CDC23: variants seen among roughly 807,000 people sequenced by gnomAD.
CDC23 encodes the protein cell division cycle protein 23 homolog.
A neutral mutation model predicts 81.7 loss-of-function variants in CDC23; 26 were observed. The ratio of observed to expected loss-of-function variants is 0.32; its 90% CI spans 0.23 to 0.44. CDC23 has a LOEUF of 0.44. Ranked by LOEUF, CDC23 falls within the 20% of genes least tolerant of loss-of-function variation. The probability of loss-of-function intolerance (pLI) is 1.00; values close to 1 mark genes in which losing one functional copy is unlikely to be tolerated. For synonymous variants in CDC23, 267 were observed against 270.8 expected (o/e 0.99, Z 0.14); for missense variants, 519 against 728.0 (o/e 0.71, Z 3.30).
chr5:138,192,640 G>A lies in CDC23; in HGVS notation c.1030C>T (p.Arg344Cys), dbSNP rs1379421183. ...AAGGCTGCTTTCTCATGCTGAGAAC[G>A]TAAACTGTAATAATTGCCTGATTAA... ...CCVIGNYYSLRSQHEKAALYF... is the reference protein window; with the variant it reads ...CCVIGNYYSLCSQHEKAALYF... The change falls in exon 10 of 16, where the codon CGT (arginine) becomes TGT (cysteine). Residue 344 changes from arginine to cysteine, a missense_variant. By Grantham distance (180) the Arg-to-Cys change is radical. Around this residue, in one of 4 missense-constraint regions of CDC23, gnomAD observed 175 missense variants for 337.8 expected, o/e 0.52. Coordinates refer to ENST00000394886, the MANE Select transcript of CDC23 (RefSeq NM_004661.4). The A allele has an allele frequency of 2.5e-6, 4 of 1,609,100 alleles. No individual in the cohort carries two copies. The highest frequency in any genetic ancestry group is 1.1e-5 in the South Asian group (1 of 89,662).
chr5:138,193,959 CAAA>C (rs79351836), intron 9 of CDC23, among the ~76,000 whole-genome samples: 3 of 120,508 alleles, frequency 2.5e-5, no homozygotes. Flanking sequence ...ACTCCGTCTC[CAAA>C]AAAAAAAAAA....
chr5:138,212,619 A>C (rs1755126340), intron 2 of CDC23, among the ~76,000 whole-genome samples: 1 of 152,082 alleles, frequency 6.6e-6, no homozygotes, highest in Non-Finnish European at 1.5e-5. Context: ...CCAGACCAAA[A>C]CTTTTGATTC....
intron 12 of CDC23, 78 bp from the exon 13 acceptor site, chr5:138,191,613 C>G: frequency 1.5e-6 from 2 of 1,348,542 alleles, no homozygotes; most frequent in Non-Finnish European, 2.1e-6. Flanking sequence ...TAAGACCCTG[C>G]AAGCCTCCCA....
chr5:138,202,344 C>T (rs1027756431), intron 3 of CDC23, among the ~76,000 whole-genome samples, 189 bp from the exon 4 acceptor site: 2 of 152,078 alleles, frequency 1.3e-5, no homozygotes, highest in Non-Finnish European at 2.9e-5. Flanking sequence ...AGTGCAGTAG[C>T]GTGGTCTCAG....
At position 138,188,769 on chromosome 5, in the gene CDC23, G is replaced by A. The variant is rs1008119975; in HGVS notation, c.*209C>T. On this transcript the variant is annotated 3_prime_UTR_variant, in exon 16 of 16. Transcript: ENST00000394886. ...CTCTTTGGACATAAGTGAGACAGAAGTACTTCTAACTGGCAAGATAATGTC... is the reference window on the plus strand; with the variant it reads ...CTCTTTGGACATAAGTGAGACAGAAATACTTCTAACTGGCAAGATAATGTC... The A allele has an allele frequency of 4.6e-6, 2 of 438,468 alleles. No individual in the cohort carries two copies. Among genetic ancestry groups the A allele is most frequent in the Admixed American group, 4.1e-5 (1 of 24,642 alleles). 27.2% of individuals were successfully genotyped at this position (438,468 alleles called of 1,614,324 possible).
At position 138,201,104 on chromosome 5, in the gene CDC23, T is replaced by C. The variant is rs762259779; in HGVS notation, c.654+3A>G. 22 of 1,613,290 alleles carry C rather than the reference T, an allele frequency of 1.4e-5. No individual in the cohort carries two copies. In the Admixed American group the frequency reaches 3.7e-4, roughly 27 times the overall value. Reference sequence around the variant, plus strand: ...GTTTTTCACATAGCTCATCACAATTTACCATCTCTTTGTCTGTGATCAGGT... The same window carrying C: ...GTTTTTCACATAGCTCATCACAATTCACCATCTCTTTGTCTGTGATCAGGT... On this transcript the variant is annotated splice_donor_region_variant and intron_variant, in intron 6 of 15. Transcript: ENST00000394886.
In CDC23 at chr5:138,192,370, G is replaced by T; in HGVS notation, c.1185C>A (p.Asn395Lys). The change falls in exon 11 of 16, where the codon AAC (asparagine) becomes AAA (lysine). Residue 395 changes from asparagine to lysine, a missense_variant. Coordinates refer to ENST00000394886, the MANE Select transcript of CDC23 (RefSeq NM_004661.4). ...CATACCAAGCTCTGTAGTCCCGTTTGTTGACCTCAATGGCATGTCTAAGAA... is the reference window on the plus strand; with the variant it reads ...CATACCAAGCTCTGTAGTCCCGTTTTTTGACCTCAATGGCATGTCTAAGAA... ...IQAYRHAIEVNKRDYRAWYGL... is the reference protein window; with the variant it reads ...IQAYRHAIEVKKRDYRAWYGL... The T allele has an allele frequency of 6.2e-7, 1 of 1,614,190 alleles. No homozygotes were observed. Among genetic ancestry groups the T allele is most frequent in the Non-Finnish European group, 8.5e-7 (1 of 1,180,040 alleles).
chr5:138,192,704 T>TA, intron 9 of CDC23, 47 bp from the exon 10 acceptor site: 1 of 1,561,502 alleles, frequency 6.4e-7, no homozygotes, highest in Non-Finnish European at 8.7e-7. Flanking sequence ...AAGGTAAAAA[T>TA]AAAAGTCCAT....
rs769162155 is a variant in CDC23, at chr5:138,191,461, T to G, written c.1424+13A>C. 6.2e-7 allele frequency: 1 copy of G among 1,612,768 alleles called. No individual in the cohort carries two copies. Among genetic ancestry groups the G allele is most frequent in the South Asian group, 1.1e-5 (1 of 91,062 alleles). On this transcript the variant is annotated intron_variant, in intron 13 of 15. Coordinates refer to ENST00000394886, the MANE Select transcript of CDC23 (RefSeq NM_004661.4). ...AACAGAAATATCAATAGCATTTCAC[T>G]CCTTTCACTCACTTTGCCAGTTTCA...
intron 13 of CDC23, among the ~76,000 whole-genome samples, chr5:138,190,333 C>G (rs1180900582): frequency 6.6e-6 from 1 of 151,894 alleles, no homozygotes; most frequent in African/African-American, 2.4e-5. Context: ...TGACACATGC[C>G]TGTAATCCCA....
Position 138,187,730 on chromosome 5 carries a change from A to T in CDC23, c.*1248T>A. On this transcript the variant is annotated 3_prime_UTR_variant, in exon 16 of 16. Transcript: ENST00000394886. ...TATAAAAGGGACAGAAAAATTAAGA[A>T]TCAAACATCATTCTGGACCATGGGA... 3.9e-6 allele frequency: 1 copy of T among 256,716 alleles called. No individual in the cohort carries two copies. Among genetic ancestry groups the T allele is most frequent in the Non-Finnish European group, 7.6e-6 (1 of 131,788 alleles). 15.9% of individuals were successfully genotyped at this position (256,716 alleles called of 1,614,324 possible). A position where few individuals can be genotyped will look rare whatever the true frequency, so the allele number is the denominator to read the frequency against.
At chr5:138,206,273 A>G (rs1044860861) in intron 3 of CDC23, 7 of 485,164 alleles carry the variant, frequency 1.4e-5, no homozygotes, top group Non-Finnish European at 2.5e-5. Context: ...TTCTTACACA[A>G]TAATATTAAT....
At chr5:138,203,714 G>C (rs1755015741) in intron 3 of CDC23, among the ~76,000 whole-genome samples, 1 of 151,714 alleles carries the variant, frequency 6.6e-6, no homozygotes, top group Non-Finnish European at 1.5e-5. Context: ...GAGTTCCAGA[G>C]CAGCCTGGTC....
intron 9 of CDC23, among the ~76,000 whole-genome samples, chr5:138,195,070 A>G (rs1754869934): frequency 6.6e-6 from 1 of 152,060 alleles, no homozygotes; most frequent in East Asian, 1.9e-4. Flanking sequence ...TTTTTTAAAA[A>G]GAATGAAGAG....
chr5:138,204,629 C>CTTTT (rs71585106), intron 3 of CDC23, among the ~76,000 whole-genome samples: 2 of 148,348 alleles, frequency 1.3e-5, no homozygotes, highest in Non-Finnish European at 1.5e-5. Flanking sequence ...TCTCTTTTTT[C>CTTTT]TTTTTTTGGA....
chr5:138,208,282 TA>T (rs1014900375), intron 2 of CDC23, among the ~76,000 whole-genome samples: 3 of 152,184 alleles, frequency 2.0e-5, no homozygotes, highest in African/African-American at 7.2e-5. Context: ...ATGAGTTAAT[TA>T]AAATTTGAAT....
Position 138,213,275 on chromosome 5 carries a change from G to A in CDC23, c.38C>T (p.Thr13Met), listed in dbSNP as rs757387883. 1.1e-5 allele frequency: 17 copies of A among 1,614,028 alleles called. No individual in the cohort carries two copies. In the South Asian group the frequency reaches 1.5e-4, roughly 15 times the overall value. ...GGACAGGACAGGCGCCACTGCCGCCGTCACAGCCACCGGGACCATGGAGGT... is the reference window on the plus strand; with the variant it reads ...GGACAGGACAGGCGCCACTGCCGCCATCACAGCCACCGGGACCATGGAGGT... ...ASTSMVPVAV[T>M]AAVAPVLSIN... The change falls in exon 1 of 16, where the codon ACG becomes ATG. Residue 13 changes from threonine to methionine, a missense_variant. Thr to Met is a moderately conservative substitution (Grantham distance 81, BLOSUM62 -1). Coordinates refer to ENST00000394886, the MANE Select transcript of CDC23 (RefSeq NM_004661.4).
chr5:138,197,786 C>T (rs903385081), intron 9 of CDC23, among the ~76,000 whole-genome samples: 12 of 152,142 alleles, frequency 7.9e-5, no homozygotes, highest in Admixed American at 2.6e-4. Flanking sequence ...TGAGCCACCG[C>T]GCCCAGCCCC....
In CDC23 at chr5:138,201,183, A is replaced by G. The variant is rs758168572; in HGVS notation, c.578T>C (p.Val193Ala). Residue 193 changes from valine (V) to alanine (A), a missense_variant, in exon 6 of 16, where the codon GTG (valine) becomes GCG (alanine). Val to Ala is a moderately conservative substitution (Grantham distance 64, BLOSUM62 0). Around this residue, in one of 4 missense-constraint regions of CDC23, gnomAD observed 180 missense variants for 239.3 expected, o/e 0.75. Coordinates refer to ENST00000394886, the MANE Select transcript of CDC23 (RefSeq NM_004661.4). ...CAAGGGCAAAACATGAGTAGCTTCC[A>G]CAAACACATCAATGGCCTCTTTAAC... ...DLVKEAIDVF[V>A]EATHVLPLHW... 1 of 1,614,264 alleles carries G rather than the reference A, an allele frequency of 6.2e-7. No homozygotes were observed. The highest frequency in any genetic ancestry group is 1.1e-5 in the South Asian group (1 of 91,090).
Sources: gnomAD v4.1 joint callset for allele counts (sites outside exome capture counted in the v4.1 genomes callset) on GRCh38, gnomAD v4.1.1 for gene constraint, gnomAD v4.1.1 regional missense constraint, MANE v1.5 for transcripts, NCBI Gene and HGNC (gene_info 2026-07-23, HGNC 2026-07-21) for gene names.